FLRT2: variants seen among roughly 807,000 people sequenced by gnomAD.
The protein encoded by FLRT2 is leucine-rich repeat transmembrane protein FLRT2.
A neutral mutation model predicts 40.0 loss-of-function variants in FLRT2; 15 were observed. That is an observed-to-expected ratio of 0.38 (90% CI 0.25 to 0.58). The LOEUF (loss-of-function observed/expected upper bound fraction) is 0.58. Ranked by LOEUF, FLRT2 falls within the 20% of genes least tolerant of loss-of-function variation. The pLI is 0.71. For synonymous variants in FLRT2, 380 were observed against 336.8 expected, an observed-to-expected ratio of 1.13 and a Z score of -1.41; for missense variants, 726 against 840.0, an observed-to-expected ratio of 0.86 and a Z score of 1.68.
At chr14:85,609,986 T>G (rs1892788188) in intron 1 of FLRT2, among the ~76,000 whole-genome samples, 1 of 152,144 alleles carries the variant, frequency 6.6e-6, no homozygotes, top group African/African-American at 2.4e-5. Flanking sequence ...ATTTACTTGC[T>G]AGGGAACAGT....
chr14:85,625,184 C>T lies in FLRT2; in HGVS notation c.*1687C>T, dbSNP rs1437782691. On this transcript the variant is annotated 3_prime_UTR_variant, in exon 2 of 2. Transcript: ENST00000330753. Reference sequence around the variant, plus strand: ...TCACATACGTTATCAAAAACTACTCCCTTGGAAAAAATATCTTTCGAAAAT... The same window carrying T: ...TCACATACGTTATCAAAAACTACTCTCTTGGAAAAAATATCTTTCGAAAAT... The T allele has an allele frequency of 6.0e-6, 1 of 167,036 alleles. No individual in the cohort carries two copies. Among genetic ancestry groups the T allele is most frequent in the Non-Finnish European group, 1.5e-5 (1 of 68,124 alleles). 10.3% of individuals were successfully genotyped at this position (167,036 alleles called of 1,614,324 possible).
rs114572372 is a variant in FLRT2, at chr14:85,541,997, A to G, written c.-377+11463A>G. On this transcript the variant is annotated intron_variant, in intron 1 of 1. Coordinates refer to ENST00000330753, the MANE Select transcript of FLRT2 (RefSeq NM_013231.6). ...TTTCCTCACACAATTCACTTTATACATGACTCTTGGCAGAGTCATGAAAAT... is the reference window on the plus strand; with the variant it reads ...TTTCCTCACACAATTCACTTTATACGTGACTCTTGGCAGAGTCATGAAAAT... 8.4e-3 allele frequency among the ~76,000 whole-genome samples: 1,279 copies of G among 152,328 alleles called. 15 individuals are homozygous for G. Among genetic ancestry groups the G allele is most frequent in the African/African-American group, 0.029 (1,212 of 41,576 alleles).
intron 1 of FLRT2, among the ~76,000 whole-genome samples, chr14:85,589,454 T>C (rs954340364): frequency 6.6e-5 from 10 of 152,182 alleles, no homozygotes; most frequent in Non-Finnish European, 1.5e-5. Context: ...GTGTTTTGAT[T>C]GGATTATTAG....
intron 1 of FLRT2, among the ~76,000 whole-genome samples, chr14:85,601,241 C>G (rs529956004): frequency 3.3e-5 from 5 of 152,242 alleles, no homozygotes; most frequent in African/African-American, 4.8e-5. Flanking sequence ...CCTGGGCAGG[C>G]GGTAAACTAT....
chr14:85,654,025 G>A lies in FLRT2; in HGVS notation c.*30528G>A, dbSNP rs546995267. The stretch of plus-strand genomic sequence containing the variant: ...TATTAATGGATTTAGTGTCATGTAT[G>A]GTCTTGTTTTTTGAGGTCGTCTGAT... On this transcript the variant is annotated 3_prime_UTR_variant, in exon 2 of 2. Transcript: ENST00000330753. The A allele has an allele frequency of 6.6e-6, 1 of 152,188 alleles. No homozygotes were observed. The highest frequency in any genetic ancestry group is 2.4e-5 in the African/African-American group (1 of 41,528). 9.4% of individuals were successfully genotyped at this position (152,188 alleles called of 1,614,324 possible).
intron 1 of FLRT2, among the ~76,000 whole-genome samples, chr14:85,583,355 A>C (rs753254832): frequency 4.6e-5 from 7 of 152,234 alleles, no homozygotes; most frequent in Non-Finnish European, 8.8e-5. Context: ...GTCTTAACCC[A>C]TTCAGAAGCC....
chr14:85,616,922 T>C (rs1893162863), intron 1 of FLRT2, among the ~76,000 whole-genome samples: 1 of 152,352 alleles, frequency 6.6e-6, no homozygotes, highest in South Asian at 2.1e-4. Context: ...CTTTTTGATG[T>C]CCATGGGAGA....
At chr14:85,570,244 C>A (rs1403097259) in intron 1 of FLRT2, among the ~76,000 whole-genome samples, 1 of 152,164 alleles carries the variant, frequency 6.6e-6, no homozygotes, top group Non-Finnish European at 1.5e-5. Flanking sequence ...GCATCACATT[C>A]CAACTCCAAA....
At chr14:85,576,906 G>A (rs893035628) in intron 1 of FLRT2, among the ~76,000 whole-genome samples, 1 of 152,186 alleles carries the variant, frequency 6.6e-6, no homozygotes, top group East Asian at 1.9e-4. Flanking sequence ...TTCACAAAAT[G>A]TGCACACGTT....
chr14:85,534,330 C>G (rs903959010), intron 1 of FLRT2, among the ~76,000 whole-genome samples: 1 of 152,180 alleles, frequency 6.6e-6, no homozygotes, highest in Non-Finnish European at 1.5e-5. Context: ...CACGCTCCCC[C>G]CTTCACACTC....
Position 85,642,532 on chromosome 14 carries a change from C to T in FLRT2, c.*19035C>T, listed in dbSNP as rs1894173945. On this transcript the variant is annotated 3_prime_UTR_variant, in exon 2 of 2. Coordinates refer to ENST00000330753, the MANE Select transcript of FLRT2 (RefSeq NM_013231.6). ...GTAGGGCTTAAATATGAAGTATAAA[C>T]TGGGAAGAAAAGGCTAAAATAACAA... is the stretch of plus-strand genomic sequence containing the variant. 1 of 151,732 alleles carries T rather than the reference C, an allele frequency of 6.6e-6. No individual in the cohort carries two copies. Among genetic ancestry groups the T allele is most frequent in the South Asian group, 2.1e-4 (1 of 4,814 alleles). 9.4% of individuals were successfully genotyped at this position (151,732 alleles called of 1,614,324 possible).
chr14:85,608,227 A>ATT (rs58127837), intron 1 of FLRT2, among the ~76,000 whole-genome samples: 1 of 144,654 alleles, frequency 6.9e-6, no homozygotes, highest in Non-Finnish European at 1.5e-5. Flanking sequence ...TTGATAAATG[A>ATT]TTTTTTTTTT....
At chr14:85,544,505 T>G (rs1164124183) in intron 1 of FLRT2, among the ~76,000 whole-genome samples, 1 of 152,178 alleles carries the variant, frequency 6.6e-6, no homozygotes, top group Non-Finnish European at 1.5e-5. Flanking sequence ...TTGTTATTAT[T>G]TTGTTTATTT....
Position 85,639,851 on chromosome 14 carries a change from C to CTTTTTTTTTTTTTTTTTTTTT in FLRT2, c.*16369_*16370insTTTTTTTTTTTTTTTTTTTTT. On this transcript the variant is annotated 3_prime_UTR_variant, in exon 2 of 2. Transcript: ENST00000330753. ...GAAATTCTTTATTTTTTTTTTTTTC[C>CTTTTTTTTTTTTTTTTTTTTT]TTTTTTTTTTTTTTTGAGACAGTGT... The CTTTTTTTTTTTTTTTTTTTTT allele has an allele frequency of 8.4e-6, 1 of 119,250 alleles. No individual in the cohort carries two copies. The highest frequency in any genetic ancestry group is 1.6e-5 in the Non-Finnish European group (1 of 62,186). 7.4% of individuals were successfully genotyped at this position (119,250 alleles called of 1,614,324 possible). A position where few individuals can be genotyped will look rare whatever the true frequency, so the allele number is the denominator to read the frequency against.
rs1894019069 is a variant in FLRT2 at position 85,636,926 on chromosome 14, C to A, written c.*13429C>A. 1.3e-5 allele frequency: 1 copy of A among 77,724 alleles called. No individual in the cohort carries two copies. Among genetic ancestry groups the A allele is most frequent in the Non-Finnish European group, 2.2e-5 (1 of 45,118 alleles). 4.8% of individuals were successfully genotyped at this position (77,724 alleles called of 1,614,324 possible). A position where few individuals can be genotyped will look rare whatever the true frequency, so the allele number is the denominator to read the frequency against. ...CCTGGGTGACAGAGCGATACTTCGT[C>A]TCCAAAAAAAAAAAAAAAAAAAAAA... On this transcript the variant is annotated 3_prime_UTR_variant, in exon 2 of 2. Transcript: ENST00000330753.
Position 85,629,273 on chromosome 14 carries a change from G to T in FLRT2, c.*5776G>T, listed in dbSNP as rs1893807322. 6.6e-6 allele frequency: 1 copy of T among 152,102 alleles called. No individual in the cohort carries two copies. The highest frequency in any genetic ancestry group is 1.5e-5 in the Non-Finnish European group (1 of 68,008). 9.4% of individuals were successfully genotyped at this position (152,102 alleles called of 1,614,324 possible). ...GCAACTGTCATAATTAGATGTTCTT[G>T]GTTTTTAATAGATGCAGCAATGAGA... On this transcript the variant is annotated 3_prime_UTR_variant, in exon 2 of 2. Transcript: ENST00000330753.
chr14:85,641,935 G>C lies in FLRT2; in HGVS notation c.*18438G>C, dbSNP rs1237252742. 1.3e-5 allele frequency: 2 copies of C among 152,078 alleles called. No individual in the cohort carries two copies. Among genetic ancestry groups the C allele is most frequent in the East Asian group, 3.9e-4 (2 of 5,180 alleles). 9.4% of individuals were successfully genotyped at this position (152,078 alleles called of 1,614,324 possible). A position where few individuals can be genotyped will look rare whatever the true frequency, so the allele number is the denominator to read the frequency against. ...AGCCTATTAAAGCCAAGGCTTTGGT[G>C]ACCAATGTGATTGCTTCAGAATTTT... On this transcript the variant is annotated 3_prime_UTR_variant, in exon 2 of 2. Coordinates refer to ENST00000330753, the MANE Select transcript of FLRT2 (RefSeq NM_013231.6).
chr14:85,594,960 AATACAT>A (rs1373739371), intron 1 of FLRT2, among the ~76,000 whole-genome samples: 1 of 152,218 alleles, frequency 6.6e-6, no homozygotes, highest in Non-Finnish European at 1.5e-5. Context: ...TTGTAAGGAA[AATACAT>A]TTACTTAAGT....
chr14:85,550,303 A>T (rs7153554), intron 1 of FLRT2, among the ~76,000 whole-genome samples: 1 of 152,080 alleles, frequency 6.6e-6, no homozygotes, highest in East Asian at 1.9e-4. Context: ...CAAGTACGAG[A>T]TTCTAAGAAT....
Sources: allele counts gnomAD v4.1 joint callset (sites outside exome capture counted in the v4.1 genomes callset), GRCh38; gene constraint gnomAD v4.1.1; transcripts MANE v1.5; gene names NCBI Gene and HGNC (gene_info 2026-07-23, HGNC 2026-07-21).